The following DCC variants were observed in gnomAD, a reference collection of about 807,000 sequenced individuals.
DCC encodes the protein DCC netrin 1 receptor, also known as netrin receptor DCC.
Under a neutral mutation model 172.5 loss-of-function variants are expected in DCC, and 58 were observed. The observed-to-expected ratio is 0.34, with a 90% CI of 0.27 to 0.42. The LOEUF is 0.42. Among genes scored for constraint, DCC ranks in the 10% least tolerant of loss-of-function variants. The pLI, the probability that DCC is intolerant of heterozygous loss-of-function variation, is 1.00. For missense variants in DCC, 1,740 were observed against 1,791.0 expected (o/e 0.97, Z 0.51); for synonymous variants, 709 against 644.5 (o/e 1.10, Z -1.52).
chr18:52,438,161 C>T (rs2144488723), intron 1 of DCC, among the ~76,000 whole-genome samples: 1 of 152,272 alleles, frequency 6.6e-6, no homozygotes, highest in East Asian at 1.9e-4. Flanking sequence ...TGCTCCCCAT[C>T]CTCCCATTCA....
chr18:53,270,474 T>C (rs1161996058), intron 12 of DCC, among the ~76,000 whole-genome samples: 2 of 152,160 alleles, frequency 1.3e-5, no homozygotes, highest in South Asian at 2.1e-4. Context: ...ATTTTAATCC[T>C]AGAGTTTGGA....
chr18:52,556,752 C>T (rs1017445597), intron 1 of DCC, among the ~76,000 whole-genome samples: 3 of 152,016 alleles, frequency 2.0e-5, no homozygotes, highest in African/African-American at 7.2e-5. Flanking sequence ...AATAATTGCA[C>T]ATACTCCCAT....
intron 2 of DCC, among the ~76,000 whole-genome samples, chr18:52,877,462 A>G (rs947211703): frequency 2.0e-5 from 3 of 152,172 alleles, no homozygotes; most frequent in Non-Finnish European, 2.9e-5. Context: ...TAATCCTAGC[A>G]CTTTGGGAGG....
intron 25 of DCC, among the ~76,000 whole-genome samples, chr18:53,482,121 A>G (rs1426775622): frequency 1.3e-5 from 2 of 152,052 alleles, no homozygotes; most frequent in Non-Finnish European, 2.9e-5. Flanking sequence ...TCAAGGGGAA[A>G]AATACCAAAA....
At chr18:52,586,242 T>C (rs369362802) in intron 1 of DCC, among the ~76,000 whole-genome samples, 9 of 152,188 alleles carry the variant, frequency 5.9e-5, no homozygotes, top group African/African-American at 9.7e-5. Flanking sequence ...TTTTCACTGA[T>C]AGTCTTGATT....
chr18:53,180,651 C>T (rs546309443), intron 9 of DCC, among the ~76,000 whole-genome samples: 14 of 152,246 alleles, frequency 9.2e-5, no homozygotes, highest in African/African-American at 2.9e-4. Context: ...TCTATATTAA[C>T]ATAACATTTC....
intron 1 of DCC, among the ~76,000 whole-genome samples, chr18:52,665,889 T>A (rs894436073): frequency 1.3e-5 from 2 of 152,238 alleles, no homozygotes; most frequent in Non-Finnish European, 2.9e-5. Context: ...GCCTTGTTTC[T>A]CAGAGGTTCA....
At chr18:52,600,925 A>T (rs2144816591) in intron 1 of DCC, among the ~76,000 whole-genome samples, 1 of 152,302 alleles carries the variant, frequency 6.6e-6, no homozygotes, top group South Asian at 2.1e-4. Flanking sequence ...ATTGGGATTT[A>T]CTATATAACC....
At chr18:53,488,649 G>A (rs953966368) in intron 26 of DCC, among the ~76,000 whole-genome samples, 3 of 152,092 alleles carry the variant, frequency 2.0e-5, no homozygotes, top group Admixed American at 6.6e-5. Flanking sequence ...TGGGGAAAAT[G>A]ATTCCAAAAG....
chr18:52,486,086 C>A (rs897987553), intron 1 of DCC, among the ~76,000 whole-genome samples: 3 of 152,050 alleles, frequency 2.0e-5, no homozygotes, highest in East Asian at 1.9e-4. Flanking sequence ...CCTTGAATTC[C>A]TAGTCTCAAG....
chr18:52,871,911 C>A (rs1344884524), intron 2 of DCC, among the ~76,000 whole-genome samples: 1 of 151,894 alleles, frequency 6.6e-6, no homozygotes, highest in African/African-American at 2.4e-5. Flanking sequence ...ATTTTTTTCC[C>A]TCTGCTTGAC....
At position 53,286,397 on chromosome 18, in the gene DCC, C is replaced by A. The variant is rs537724892; in HGVS notation, c.1912-19181C>A. The stretch of plus-strand genomic sequence containing the variant: ...AAAAATGGGAGTTTACCTGCACAAG[C>A]TCTCTTCTCTTGTTGACCATCATGA... On this transcript the variant is annotated intron_variant, in intron 12 of 28. Transcript: ENST00000442544. 2.6e-5 allele frequency among the ~76,000 whole-genome samples: 4 copies of A among 152,250 alleles called. No individual in the cohort carries two copies. In the East Asian group the frequency reaches 7.7e-4, roughly 29 times the overall value.
At chr18:52,951,698 T>G (rs2040650991) in intron 5 of DCC, among the ~76,000 whole-genome samples, 1 of 152,254 alleles carries the variant, frequency 6.6e-6, no homozygotes, top group African/African-American at 2.4e-5. Context: ...GGGAAAAGTA[T>G]CATTTCAACT....
In DCC at chr18:53,048,236, C is replaced by T. The variant is rs953285741; in HGVS notation, c.986-15069C>T. ...ATCACCCAGGTTATAAGGACAGTACCCAATAGGTATTTTTTTTTTTCTGAT... is the reference window on the plus strand; with the variant it reads ...ATCACCCAGGTTATAAGGACAGTACTCAATAGGTATTTTTTTTTTTCTGAT... On this transcript the variant is annotated intron_variant, in intron 5 of 28. Transcript: ENST00000442544. Among the ~76,000 whole-genome samples the T allele has an allele frequency of 3.3e-5, 5 of 151,510 alleles. 1 individual carries two copies. The South Asian group carries it at 1.0e-3, about 32-fold the overall frequency.
chr18:53,516,688 C>G (rs1195453025), intron 27 of DCC, among the ~76,000 whole-genome samples: 2 of 150,426 alleles, frequency 1.3e-5, no homozygotes, highest in African/African-American at 5.0e-5. Flanking sequence ...CCAAAAAACA[C>G]ATGAAAAAAT....
At chr18:52,631,521 T>C (rs755429404) in intron 1 of DCC, among the ~76,000 whole-genome samples, 2 of 152,162 alleles carry the variant, frequency 1.3e-5, no homozygotes, top group Non-Finnish European at 1.5e-5. Context: ...GAATCTTAAC[T>C]GGGGGGAAAA....
At chr18:53,006,005 G>A (rs1053499595) in intron 5 of DCC, among the ~76,000 whole-genome samples, 36 of 152,134 alleles carry the variant, frequency 2.4e-4, no homozygotes, top group Admixed American at 2.0e-3. Flanking sequence ...GGGGTTGCTG[G>A]ATGAGACAAT....
rs191616547 is a variant in DCC at position 52,517,089 on chromosome 18, T to C, written c.91+176211T>C. ...CCCTTGGCATCTTAGGACTCTACAC[T>C]CATTTCAGGAAGCTTTGCATGTGGA... On this transcript the variant is annotated intron_variant, in intron 1 of 28. Coordinates refer to ENST00000442544, the MANE Select transcript of DCC (RefSeq NM_005215.4). Among the ~76,000 whole-genome samples the C allele has an allele frequency of 2.1e-3, 326 of 152,302 alleles. 2 individuals are homozygous for C. The highest frequency in any genetic ancestry group is 3.7e-3 in the Non-Finnish European group (251 of 68,022).
chr18:52,717,307 G>A (rs2036398468), intron 1 of DCC, among the ~76,000 whole-genome samples: 1 of 151,914 alleles, frequency 6.6e-6, no homozygotes, highest in South Asian at 2.1e-4. Flanking sequence ...AAAACAGCAT[G>A]CATTATAAAT....
Sources: allele counts gnomAD v4.1 joint callset (sites outside exome capture counted in the v4.1 genomes callset), GRCh38; gene constraint gnomAD v4.1.1; transcripts MANE v1.5; gene names NCBI Gene and HGNC (gene_info 2026-07-23, HGNC 2026-07-21).